Variants in LRRC37A3 observed in about 807,000 individuals in gnomAD.
LRRC37A3 encodes leucine rich repeat containing 37 member A3.
LRRC37A3 carries 25 observed loss-of-function variants against 106.2 expected under a neutral mutation model. The ratio of observed to expected loss-of-function variants is 0.24; its 90% CI spans 0.17 to 0.33. The LOEUF (loss-of-function observed/expected upper bound fraction) is 0.33. Ranked by LOEUF, LRRC37A3 falls within the 10% of genes least tolerant of loss-of-function variation. LRRC37A3 has a pLI of 1.00. For missense variants in LRRC37A3, 712 were observed against 1,644.9 expected (o/e 0.43, Z 9.81); for synonymous variants, 305 against 635.8 (o/e 0.48, Z 7.83).
chr17:64,914,276 G>T (rs1974657146), intron 2 of LRRC37A3, among the ~76,000 whole-genome samples: 1 of 151,958 alleles, frequency 6.6e-6, no homozygotes, highest in African/African-American at 2.4e-5. Context: ...GTGCACAAAG[G>T]GGCTGGGCGC....
At chr17:64,869,064 T>C in intron 9 of LRRC37A3, 31 bp downstream of exon 9, 1 of 1,575,256 alleles carries the variant, frequency 6.3e-7, no homozygotes, top group Non-Finnish European at 8.6e-7. Context: ...ATAAATCATC[T>C]CTTGACTCAT....
At chr17:64,871,217 G>C (rs1973300928) in intron 8 of LRRC37A3, among the ~76,000 whole-genome samples, 1 of 151,610 alleles carries the variant, frequency 6.6e-6, no homozygotes, top group East Asian at 1.9e-4. Context: ...CTACTCCTCT[G>C]GGAGGACCTC....
At chr17:64,856,347 G>C (rs1456190633) in intron 13 of LRRC37A3, among the ~76,000 whole-genome samples, 1 of 151,352 alleles carries the variant, frequency 6.6e-6, no homozygotes, top group Non-Finnish European at 1.5e-5. Flanking sequence ...CTCTTGAGTA[G>C]CTGAGACTAC....
intron 8 of LRRC37A3, among the ~76,000 whole-genome samples, chr17:64,875,564 G>A (rs2143478347): frequency 6.6e-6 from 1 of 152,232 alleles, no homozygotes; most frequent in Non-Finnish European, 1.5e-5. Context: ...TGAGGCTGGA[G>A]GATCACTTGA....
intron 2 of LRRC37A3, among the ~76,000 whole-genome samples, chr17:64,909,218 T>G (rs956381880): frequency 3.3e-5 from 5 of 152,182 alleles, no homozygotes; most frequent in Non-Finnish European, 7.3e-5. Context: ...ATTCCAGAAG[T>G]TATCTTCGAA....
intron 2 of LRRC37A3, among the ~76,000 whole-genome samples, chr17:64,913,162 G>A (rs1439203687): frequency 6.6e-6 from 1 of 151,328 alleles, no homozygotes; most frequent in East Asian, 1.9e-4. Flanking sequence ...CCAAGTACTT[G>A]GGATTACAGG....
At chr17:64,871,106 A>C (rs1241146927) in intron 8 of LRRC37A3, among the ~76,000 whole-genome samples, 1 of 151,350 alleles carries the variant, frequency 6.6e-6, no homozygotes, top group Non-Finnish European at 1.5e-5. Flanking sequence ...CCTGATCTCA[A>C]GTGATCCGCC....
At chr17:64,865,379 A>T (rs1973029276) in intron 10 of LRRC37A3, among the ~76,000 whole-genome samples, 1 of 152,200 alleles carries the variant, frequency 6.6e-6, no homozygotes, top group African/African-American at 2.4e-5. Context: ...CCTGGGCACA[A>T]GCAACCCTCT....
At position 64,868,128 on chromosome 17, in the gene LRRC37A3, G is replaced by A. The variant is rs189800464; in HGVS notation, c.3053+334C>T. Among the ~76,000 whole-genome samples, 1,213 of 152,154 alleles carry A rather than the reference G, an allele frequency of 8.0e-3. 12 individuals are homozygous for A. Among genetic ancestry groups the A allele is most frequent in the African/African-American group, 0.027 (1,125 of 41,462 alleles). ...AAAGGAGCCAAACACAAGAGGCTAC[G>A]TGCTATATGATTTCATTTATAAGAC... On this transcript the variant is annotated intron_variant, in intron 10 of 14. Coordinates refer to ENST00000584306, the MANE Select transcript of LRRC37A3 (RefSeq NM_199340.5).
chr17:64,855,670 T>C (rs1478705801), intron 14 of LRRC37A3, among the ~76,000 whole-genome samples, 170 bp downstream of exon 14: 2 of 151,796 alleles, frequency 1.3e-5, no homozygotes, highest in Non-Finnish European at 2.9e-5. Flanking sequence ...CTAGTGGTGG[T>C]GCATGCCTGT....
At chr17:64,857,932 G>T (rs1414495633) in intron 13 of LRRC37A3, among the ~76,000 whole-genome samples, 2 of 152,192 alleles carry the variant, frequency 1.3e-5, no homozygotes, top group African/African-American at 4.8e-5. Flanking sequence ...TAGCATCAAG[G>T]TTGCCAGCTT....
chr17:64,862,999 C>T lies in LRRC37A3; in HGVS notation c.3073G>A (p.Ala1025Thr), dbSNP rs2143395536. 1.3e-6 allele frequency: 2 copies of T among 1,597,980 alleles called. No homozygotes were observed. Among genetic ancestry groups the T allele is most frequent in the Non-Finnish European group, 8.5e-7 (1 of 1,179,770 alleles). The change falls in exon 11 of 15, where the codon GCC (alanine) becomes ACC (threonine). Residue 1025 changes from alanine to threonine, a missense_variant. Transcript: ENST00000584306. ...TTTTTAAATTGGCAGAGGCAGCAGGCCATATGGCTAGGTACGATCCTATAG... is the reference window on the plus strand; with the variant it reads ...TTTTTAAATTGGCAGAGGCAGCAGGTCATATGGCTAGGTACGATCCTATAG... ...LEKLIVPSHM[A>T]CCLCQFKNSI...
intron 8 of LRRC37A3, among the ~76,000 whole-genome samples, chr17:64,870,582 T>C (rs1044355311): frequency 6.6e-6 from 1 of 152,060 alleles, no homozygotes; most frequent in African/African-American, 2.4e-5. Flanking sequence ...AAATACCTTA[T>C]GTGGTAGATA....
chr17:64,918,501 A>T (rs1368512956), intron 2 of LRRC37A3, among the ~76,000 whole-genome samples: 1 of 152,234 alleles, frequency 6.6e-6, no homozygotes, highest in African/African-American at 2.4e-5. Context: ...TGCAGATGAC[A>T]AAACTTTATT....
At chr17:64,857,926 A>C (rs1972735819) in intron 13 of LRRC37A3, among the ~76,000 whole-genome samples, 1 of 152,242 alleles carries the variant, frequency 6.6e-6, no homozygotes, top group Non-Finnish European at 1.5e-5. Flanking sequence ...GTGGCATAGC[A>C]TCAAGGTTGC....
At chr17:64,879,044 C>T (rs1446752402) in intron 8 of LRRC37A3, among the ~76,000 whole-genome samples, 3 of 151,918 alleles carry the variant, frequency 2.0e-5, no homozygotes, top group African/African-American at 7.3e-5. Flanking sequence ...TTAGAAACAA[C>T]ATGCTTCGTG....
At chr17:64,863,971 A>T (rs1263647872) in intron 10 of LRRC37A3, among the ~76,000 whole-genome samples, 2 of 129,042 alleles carry the variant, frequency 1.5e-5, no homozygotes, top group African/African-American at 6.0e-5. Flanking sequence ...TGCCCAGCTA[A>T]TTTTTTTTTT....
Position 64,896,242 on chromosome 17 carries a change from TG to T in LRRC37A3, c.1015del (p.Gln339AsnfsTer67). ...FPEEVEPSAT[Q>X]QEAPIEPPVP... ...TGGAGGCTCAATTGGGGCCTCCTGT[TG>T]GGTTGCAGAAGGTTCCACCTCCTCT... On this transcript the variant is annotated frameshift_variant, in exon 4 of 15. Transcript: ENST00000584306. LOFTEE classifies it high-confidence loss of function. 1 of 1,575,980 alleles carries T rather than the reference TG, an allele frequency of 6.3e-7. No homozygotes were observed. The highest frequency in any genetic ancestry group is 8.6e-7 in the Non-Finnish European group (1 of 1,162,958).
intron 8 of LRRC37A3, among the ~76,000 whole-genome samples, chr17:64,876,141 A>G (rs1180171572): frequency 2.0e-5 from 3 of 152,114 alleles, no homozygotes; most frequent in Non-Finnish European, 4.4e-5. Context: ...AAGTACAGGG[A>G]TTATAGGTAT....
Sources: gnomAD v4.1 joint callset for allele counts (sites outside exome capture counted in the v4.1 genomes callset) on GRCh38, gnomAD v4.1.1 for gene constraint, MANE v1.5 for transcripts, NCBI Gene and HGNC (gene_info 2026-07-23, HGNC 2026-07-21) for gene names.